Variants in NPSR1 observed in about 807,000 individuals in gnomAD.
The protein encoded by NPSR1 is neuropeptide S receptor 1, also known as neuropeptide S receptor.
In NPSR1, 48 loss-of-function variants were observed where a neutral mutation model predicts 46.9. The observed-to-expected ratio is 1.02, with a 90% CI of 0.81 to 1.30. The LOEUF (loss-of-function observed/expected upper bound fraction) is 1.30. NPSR1 is among the 50% of genes most tolerant of loss of function. NPSR1 has a pLI of 0.00. For synonymous variants in NPSR1, 176 were observed against 168.1 expected (o/e 1.05, Z -0.36); for missense variants, 450 against 449.5 (o/e 1.00, Z -0.01).
At chr7:34,864,374 TA>T (rs11339185) in intron 8 of NPSR1, among the ~76,000 whole-genome samples, 41,369 of 129,112 alleles carry the variant, frequency 0.32, 6,232 homozygotes, top group Middle Eastern at 0.38. Flanking sequence ...AGTATAATAA[TA>T]AAAAAAAAAG....
chr7:34,700,137 A>G (rs1793745036), intron 2 of NPSR1, among the ~76,000 whole-genome samples: 3 of 152,198 alleles, frequency 2.0e-5, no homozygotes, highest in Non-Finnish European at 4.4e-5. Context: ...GGTCAGAAAG[A>G]CATAGAGACA....
intron 2 of NPSR1, chr7:34,761,291 T>C (rs979140249): frequency 1.3e-5 from 2 of 152,240 alleles, no homozygotes; most frequent in African/African-American, 4.8e-5. Context: ...CTTTAGGATT[T>C]CCATGTTGGG....
At position 34,750,580 on chromosome 7, in the gene NPSR1, A is replaced by G. The variant is rs1214928493; in HGVS notation, c.281-27882A>G. ...CAATCCCATCCAAACCTCTGGCATGACAGGCCTGAAGCTTTTGCTCAAATT... is the reference window on the plus strand; with the variant it reads ...CAATCCCATCCAAACCTCTGGCATGGCAGGCCTGAAGCTTTTGCTCAAATT... On this transcript the variant is annotated intron_variant, in intron 2 of 8. Coordinates refer to ENST00000360581, the MANE Select transcript of NPSR1 (RefSeq NM_207172.2). 4.3e-6 allele frequency: 3 copies of G among 692,148 alleles called. No individual in the cohort carries two copies. The African/African-American group carries it at 5.3e-5, about 12-fold the overall frequency. The allele number at this position is 692,148 out of a possible 1,614,324, so 42.9% of individuals were successfully genotyped here.
chr7:34,711,786 G>A (rs1290139352), intron 2 of NPSR1, among the ~76,000 whole-genome samples: 1 of 152,194 alleles, frequency 6.6e-6, no homozygotes, highest in Non-Finnish European at 1.5e-5. Flanking sequence ...CTTGTGCCCA[G>A]GCTTCCTAGG....
chr7:34,793,767 G>A (rs898853358), intron 3 of NPSR1, among the ~76,000 whole-genome samples: 1 of 152,118 alleles, frequency 6.6e-6, no homozygotes, highest in Admixed American at 6.6e-5. Context: ...GACATCTGCT[G>A]TCCTGTGTTT....
intron 2 of NPSR1, among the ~76,000 whole-genome samples, chr7:34,701,143 A>G (rs1010414071): frequency 1.3e-5 from 2 of 152,206 alleles, no homozygotes; most frequent in Admixed American, 1.3e-4. Context: ...AGGACATGCC[A>G]CCCCAAAATA....
intron 2 of NPSR1, among the ~76,000 whole-genome samples, chr7:34,758,751 C>T (rs1312479901): frequency 6.6e-6 from 1 of 152,190 alleles, no homozygotes; most frequent in Non-Finnish European, 1.5e-5. Context: ...ATCTACCTAT[C>T]CATCCATCTA....
downstream of NPSR1, among the ~76,000 whole-genome samples, chr7:34,850,463 C>T (rs1396544988): frequency 9.5e-5 from 14 of 147,228 alleles, no homozygotes; most frequent in South Asian, 2.2e-4. Flanking sequence ...TGCAGTGGCA[C>T]GATCTCGGCT....
At chr7:34,875,503 C>T (rs1365733380) in intron 8 of NPSR1, among the ~76,000 whole-genome samples, 2 of 152,206 alleles carry the variant, frequency 1.3e-5, no homozygotes, top group African/African-American at 4.8e-5. Context: ...TCACTAAGTT[C>T]TCTGGCCCTG....
intron 8 of NPSR1, 93 bp downstream of exon 8, chr7:34,848,756 C>G: frequency 9.2e-7 from 1 of 1,090,660 alleles, no homozygotes. Context: ...AACTCTCCAG[C>G]AGGTTACAGG....
At position 34,844,999 on chromosome 7, in the gene NPSR1, C is replaced by T; in HGVS notation, c.844+17C>T. ...TCATTCTTGGTAAGCAATGTCCCTC[C>T]TTGAGCTGTAAAGTGGTATGAACGT... On this transcript the variant is annotated intron_variant, in intron 7 of 8. Coordinates refer to ENST00000360581, the MANE Select transcript of NPSR1 (RefSeq NM_207172.2). The T allele has an allele frequency of 6.3e-7, 1 of 1,575,756 alleles. No homozygotes were observed. Among genetic ancestry groups the T allele is most frequent in the Non-Finnish European group, 8.7e-7 (1 of 1,145,158 alleles).
At chr7:34,834,886 A>G (rs987858345) in intron 6 of NPSR1, among the ~76,000 whole-genome samples, 4 of 152,264 alleles carry the variant, frequency 2.6e-5, no homozygotes, top group East Asian at 1.9e-4. Flanking sequence ...CCATCTGTCC[A>G]TAGAACAATC....
At chr7:34,738,999 CTT>C (rs1265029372) in intron 2 of NPSR1, among the ~76,000 whole-genome samples, 2 of 152,160 alleles carry the variant, frequency 1.3e-5, no homozygotes, top group Admixed American at 6.5e-5. Flanking sequence ...GAATATGTGG[CTT>C]TTTGTTTCTG....
Position 34,775,506 on chromosome 7 carries a change from C to CT in NPSR1, c.281-2954dup, listed in dbSNP as rs527350334. Among the ~76,000 whole-genome samples, 808 of 152,112 alleles carry CT rather than the reference C, an allele frequency of 5.3e-3. 4 individuals are homozygous for CT. Among genetic ancestry groups the CT allele is most frequent in the Non-Finnish European group, 8.7e-3 (590 of 67,946 alleles). The stretch of plus-strand genomic sequence containing the variant: ...ATTGGAAGACATTTTATTATAAGTT[C>CT]TTGTTATTTGTTATTGGTCATAGTT... On this transcript the variant is annotated intron_variant, in intron 2 of 8. Coordinates refer to ENST00000360581, the MANE Select transcript of NPSR1 (RefSeq NM_207172.2).
At chr7:34,857,864 AG>A (rs1244927445) in intron 8 of NPSR1, among the ~76,000 whole-genome samples, 1 of 151,780 alleles carries the variant, frequency 6.6e-6, no homozygotes, top group Non-Finnish European at 1.5e-5. Flanking sequence ...AGATTTTAAA[AG>A]ACAGTAGAAG....
chr7:34,660,106 TG>T, intron 1 of NPSR1: 1 of 456,756 alleles, frequency 2.2e-6, no homozygotes, highest in Non-Finnish European at 4.4e-6. Context: ...TATGAGTGTT[TG>T]TCCTCTCTAT....
intron 3 of NPSR1, among the ~76,000 whole-genome samples, chr7:34,804,040 T>A (rs1034553252): frequency 2.0e-5 from 3 of 151,868 alleles, no homozygotes; most frequent in Non-Finnish European, 4.4e-5. Context: ...CAGGCCCAGA[T>A]GGGTTCATTA....
chr7:34,686,960 C>CAAAAAA (rs66886501), intron 2 of NPSR1, among the ~76,000 whole-genome samples: 6 of 94,214 alleles, frequency 6.4e-5, no homozygotes, highest in African/African-American at 1.1e-4. Context: ...GACTCCGTCT[C>CAAAAAA]AAAAAAAAAA....
chr7:34,863,840 G>A (rs1484745905), intron 8 of NPSR1, among the ~76,000 whole-genome samples: 2 of 151,554 alleles, frequency 1.3e-5, no homozygotes, highest in East Asian at 1.9e-4. Context: ...ATCTAGAACC[G>A]GTAATACCAT....
Sources: allele counts gnomAD v4.1 joint callset (sites outside exome capture counted in the v4.1 genomes callset), GRCh38; gene constraint gnomAD v4.1.1; transcripts MANE v1.5; gene names NCBI Gene and HGNC (gene_info 2026-07-23, HGNC 2026-07-21).